The following ZNF317 variants were observed in gnomAD, a reference collection of about 807,000 sequenced individuals.
ZNF317 encodes the protein zinc finger protein 317, also known as KRAB-containing zinc finger protein 317.
A neutral mutation model predicts 23.4 loss-of-function variants in ZNF317; 17 were observed. The observed-to-expected ratio is 0.73, with a 90% CI of 0.50 to 1.09. The LOEUF (loss-of-function observed/expected upper bound fraction) is 1.09. ZNF317 is among the 50% of genes least tolerant of loss of function. The pLI is 0.00. For missense variants in ZNF317, 679 were observed against 796.7 expected, an observed-to-expected ratio of 0.85 and a Z score of 1.78; for synonymous variants, 317 against 314.9, an observed-to-expected ratio of 1.01 and a Z score of -0.07.
chr19:9,162,144 C>T lies in ZNF317; in HGVS notation c.*711C>T, dbSNP rs1431574537. 6.6e-6 allele frequency: 1 copy of T among 152,020 alleles called. No individual in the cohort carries two copies. The highest frequency in any genetic ancestry group is 2.4e-5 in the African/African-American group (1 of 41,384). The allele number at this position is 152,020 out of a possible 1,614,324, so 9.4% of individuals were successfully genotyped here. On this transcript the variant is annotated 3_prime_UTR_variant, in exon 7 of 7. Transcript: ENST00000247956. ...TCGGGCGACGATTTGGCTGTCTAGG[C>T]GTCATTTGGCAATGTCTAGAGACAT...
At chr19:9,143,229 TTTTA>T (rs1158021661) in intron 1 of ZNF317, among the ~76,000 whole-genome samples, 1 of 152,150 alleles carries the variant, frequency 6.6e-6, no homozygotes, top group African/African-American at 2.4e-5. Flanking sequence ...TTATCCACTT[TTTTA>T]TTTATAATAA....
chr19:9,154,129 ATC>A (rs1332310090), intron 1 of ZNF317, among the ~76,000 whole-genome samples: 2 of 130,504 alleles, frequency 1.5e-5, no homozygotes, highest in African/African-American at 7.0e-5. Flanking sequence ...GAGGGCAGAC[ATC>A]TCTTTGTCAT....
rs2050852768 is a variant in ZNF317 at position 9,161,270 on chromosome 19, G to C, written c.1625G>C (p.Gly542Ala). The change falls in exon 7 of 7, where the codon GGC becomes GCC. Residue 542 changes from glycine (G) to alanine (A), a missense_variant. Coordinates refer to ENST00000247956, the MANE Select transcript of ZNF317 (RefSeq NM_020933.5). This position sits in a 1 kb window ranked among gnomAD's most constrained non-coding sequence, Gnocchi z 4.0. ...CACTGTGGGAAGGCCTTCAGCATAG[G>C]CTCCAACCTGAATGTGCACAGGCGG... ...CDHCGKAFSI[G>A]SNLNVHRRIH... The C allele has an allele frequency of 1.2e-6, 2 of 1,613,158 alleles. No homozygotes were observed. The highest frequency in any genetic ancestry group is 1.7e-6 in the Non-Finnish European group (2 of 1,179,654).
At chr19:9,142,196 GTC>G (rs1285430811) in intron 1 of ZNF317, among the ~76,000 whole-genome samples, 2 of 152,210 alleles carry the variant, frequency 1.3e-5, no homozygotes, top group Admixed American at 1.3e-4. Flanking sequence ...GCTCAGAAAA[GTC>G]TAACTTTTGT....
chr19:9,150,042 G>T (rs1034375486), intron 1 of ZNF317, among the ~76,000 whole-genome samples: 1 of 152,174 alleles, frequency 6.6e-6, no homozygotes. Flanking sequence ...GACGAGCAAG[G>T]CTTTTGACTT....
intron 1 of ZNF317, among the ~76,000 whole-genome samples, chr19:9,155,536 A>T (rs908839634): frequency 6.6e-6 from 1 of 152,270 alleles, no homozygotes. Context: ...TGCAAAGGGC[A>T]TTGGAGTTTG....
At chr19:9,151,197 A>G (rs1373553215) in intron 1 of ZNF317, among the ~76,000 whole-genome samples, 1 of 152,162 alleles carries the variant, frequency 6.6e-6, no homozygotes, top group African/African-American at 2.4e-5. Context: ...GCAGTGACTT[A>G]ATGTCAGAAC....
At chr19:9,156,319 C>A (rs2050782158) in intron 2 of ZNF317, among the ~76,000 whole-genome samples, 1 of 152,106 alleles carries the variant, frequency 6.6e-6, no homozygotes, top group Admixed American at 6.6e-5. Flanking sequence ...TGATCACTTT[C>A]AGCAAGGTCA....
At position 9,161,499 on chromosome 19, in the gene ZNF317, G is replaced by T; in HGVS notation, c.*66G>T. 2.6e-6 allele frequency: 4 copies of T among 1,536,250 alleles called. No individual in the cohort carries two copies. The highest frequency in any genetic ancestry group is 3.5e-6 in the Non-Finnish European group (4 of 1,140,804). ...ACAGACCTCGTGGGTGTAAGAGGAA[G>T]CCTCTGTGAGCTCGCACCTTACTGG... is the stretch of plus-strand genomic sequence containing the variant. On this transcript the variant is annotated 3_prime_UTR_variant, in exon 7 of 7. Transcript: ENST00000247956. This position sits in a 1 kb window ranked among gnomAD's most constrained non-coding sequence, Gnocchi z 4.0.
chr19:9,156,118 G>C lies in ZNF317; in HGVS notation c.25+77G>C, dbSNP rs563009401. On this transcript the variant is annotated intron_variant, in intron 2 of 6. Coordinates refer to ENST00000247956, the MANE Select transcript of ZNF317 (RefSeq NM_020933.5). ...TGCCACTTGATGGGGTGAAAGATACGTACACCATAGAGGGCTGCTGGGAGA... is the reference window on the plus strand; with the variant it reads ...TGCCACTTGATGGGGTGAAAGATACCTACACCATAGAGGGCTGCTGGGAGA... The C allele has an allele frequency of 2.5e-5, 38 of 1,550,078 alleles. No individual in the cohort carries two copies. In the Admixed American group the frequency reaches 5.3e-4, roughly 22 times the overall value.
chr19:9,147,440 A>C (rs959956676), intron 1 of ZNF317, among the ~76,000 whole-genome samples: 6 of 144,722 alleles, frequency 4.1e-5, no homozygotes, highest in African/African-American at 1.3e-4. Context: ...CCTGGGTTTC[A>C]CACCATTCTC....
intron 1 of ZNF317, among the ~76,000 whole-genome samples, chr19:9,147,013 A>AG (rs1555713124): frequency 6.6e-6 from 1 of 152,110 alleles, no homozygotes; most frequent in Non-Finnish European, 1.5e-5. Context: ...GGCTGGAGCA[A>AG]GGGTGAGGTT....
chr19:9,157,228 G>T (rs752439173), intron 3 of ZNF317, 40 bp from the exon 4 acceptor site: 2 of 1,608,494 alleles, frequency 1.2e-6, no homozygotes, highest in East Asian at 2.2e-5. Context: ...ACATCGTTAG[G>T]CTGGTTCCTC....
chr19:9,148,629 C>A (rs1164780757), intron 1 of ZNF317, among the ~76,000 whole-genome samples: 1 of 152,154 alleles, frequency 6.6e-6, no homozygotes, highest in Non-Finnish European at 1.5e-5. Context: ...TCCATTCATT[C>A]TTTCATTCCC....
At chr19:9,141,811 G>A (rs886248983) in intron 1 of ZNF317, among the ~76,000 whole-genome samples, 1 of 151,930 alleles carries the variant, frequency 6.6e-6, no homozygotes, top group African/African-American at 2.4e-5. Flanking sequence ...TGTTGTTGTT[G>A]TTTTTTCCTT....
At position 9,140,661 on chromosome 19, in the gene ZNF317, G is replaced by A. The variant is rs929984407; in HGVS notation, c.-93+69G>A. On this transcript the variant is annotated intron_variant, in intron 1 of 6. Transcript: ENST00000247956. Reference sequence around the variant, plus strand: ...GGTCACGGGAGGCCTATCTGGCGGTGAGGACTAAGAGGGTACGAGGGTCGG... The same window carrying A: ...GGTCACGGGAGGCCTATCTGGCGGTAAGGACTAAGAGGGTACGAGGGTCGG... 2.1e-5 allele frequency: 9 copies of A among 437,276 alleles called. No homozygotes were observed. The East Asian group carries it at 3.0e-4, about 14-fold the overall frequency. 27.1% of individuals were successfully genotyped at this position (437,276 alleles called of 1,614,324 possible).
rs1404923436 is a variant in ZNF317 at position 9,148,852 on chromosome 19, G to A, written c.-92-7073G>A. 3.3e-5 allele frequency among the ~76,000 whole-genome samples: 5 copies of A among 152,282 alleles called. No individual in the cohort carries two copies. The East Asian group carries it at 7.7e-4, about 24-fold the overall frequency. ...TCCTACATTTCCCAGGATCCTTGGA[G>A]CTGGCAGGGGCATGTGACTAGTTCT... On this transcript the variant is annotated intron_variant, in intron 1 of 6. Coordinates refer to ENST00000247956, the MANE Select transcript of ZNF317 (RefSeq NM_020933.5).
intron 1 of ZNF317, among the ~76,000 whole-genome samples, chr19:9,146,429 C>T (rs1242032402): frequency 8.3e-4 from 114 of 137,306 alleles, no homozygotes; most frequent in African/African-American, 2.1e-3. Flanking sequence ...TACTTTTTTT[C>T]TTTTTTTTTT....
rs1450658405 is a variant in ZNF317 at position 9,161,508 on chromosome 19, AGCTCGCACCTTACTGGGT to A, written c.*78_*95del. 2 of 1,525,918 alleles carry A rather than the reference AGCTCGCACCTTACTGGGT, an allele frequency of 1.3e-6. No individual in the cohort carries two copies. The highest frequency in any genetic ancestry group is 2.8e-5 in the African/African-American group (2 of 72,218). The allele number at this position is 1,525,918 out of a possible 1,614,324, so 94.5% of individuals were successfully genotyped here. The stretch of plus-strand genomic sequence containing the variant: ...GTGGGTGTAAGAGGAAGCCTCTGTG[AGCTCGCACCTTACTGGGT>A]GCAAAAGAATCCACGGAACTTGGGA... On this transcript the variant is annotated 3_prime_UTR_variant, in exon 7 of 7. Coordinates refer to ENST00000247956, the MANE Select transcript of ZNF317 (RefSeq NM_020933.5). This position sits in a 1 kb window ranked among gnomAD's most constrained non-coding sequence, Gnocchi z 4.0.
Sources: allele counts gnomAD v4.1 joint callset (sites outside exome capture counted in the v4.1 genomes callset), GRCh38; gene constraint gnomAD v4.1.1; non-coding constraint Gnocchi (gnomAD v3.1); transcripts MANE v1.5; gene names NCBI Gene and HGNC (gene_info 2026-07-23, HGNC 2026-07-21).